DENND1B: variants seen among roughly 807,000 people sequenced by gnomAD.
DENND1B encodes DENN domain containing 1B, also known as DENN domain-containing protein 1B.
DENND1B carries 59 observed loss-of-function variants against 90.1 expected under a neutral mutation model. That is an observed-to-expected ratio of 0.65 (90% CI 0.53 to 0.81). The LOEUF (loss-of-function observed/expected upper bound fraction) is 0.81. Ranked by LOEUF, DENND1B falls within the 40% of genes least tolerant of loss-of-function variation. The probability of loss-of-function intolerance (pLI) is 0.00; values close to 1 mark genes in which losing one functional copy is unlikely to be tolerated. For synonymous variants in DENND1B, 337 were observed against 324.6 expected, an observed-to-expected ratio of 1.04 and a Z score of -0.41; for missense variants, 862 against 912.6, an observed-to-expected ratio of 0.94 and a Z score of 0.71.
At chr1:197,762,497 G>T (rs1228851294) in intron 2 of DENND1B, among the ~76,000 whole-genome samples, 1 of 152,152 alleles carries the variant, frequency 6.6e-6, no homozygotes, top group Non-Finnish European at 1.5e-5. Flanking sequence ...TAGTAAAATG[G>T]TTGCTATAGT....
At chr1:197,600,189 G>A (rs748098093) in intron 13 of DENND1B, among the ~76,000 whole-genome samples, 2 of 151,822 alleles carry the variant, frequency 1.3e-5, no homozygotes, top group Non-Finnish European at 2.9e-5. Flanking sequence ...TAGTAAAAAT[G>A]GCATCTCAGT....
At chr1:197,559,615 G>T (rs1000709946) in intron 15 of DENND1B, among the ~76,000 whole-genome samples, 1 of 151,828 alleles carries the variant, frequency 6.6e-6, no homozygotes, top group Non-Finnish European at 1.5e-5. Context: ...AAATCAATCA[G>T]CAATTTAAGG....
chr1:197,664,836 G>A (rs530585951), intron 5 of DENND1B, among the ~76,000 whole-genome samples: 183 of 152,112 alleles, frequency 1.2e-3, no homozygotes, highest in African/African-American at 4.3e-3. Flanking sequence ...AAAGCTTTAG[G>A]TTTGGAATGA....
chr1:197,544,892 GAA>G (rs1438429406), intron 18 of DENND1B, among the ~76,000 whole-genome samples: 28 of 105,896 alleles, frequency 2.6e-4, no homozygotes, highest in African/African-American at 3.2e-4. Context: ...GGAAGAGGAA[GAA>G]GAAGAAGAAA....
chr1:197,655,355 G>T (rs189835353), intron 6 of DENND1B, among the ~76,000 whole-genome samples: 1 of 152,120 alleles, frequency 6.6e-6, no homozygotes, highest in African/African-American at 2.4e-5. Context: ...CACAGAGATA[G>T]AACAGTTCCA....
At chr1:197,637,371 A>C (rs1424851110) in intron 10 of DENND1B, among the ~76,000 whole-genome samples, 1 of 152,228 alleles carries the variant, frequency 6.6e-6, no homozygotes, top group Non-Finnish European at 1.5e-5. Flanking sequence ...ATAATTGTTA[A>C]ATTAAAAAAT....
chr1:197,758,702 C>A (rs1462281351), intron 2 of DENND1B, among the ~76,000 whole-genome samples: 1 of 152,122 alleles, frequency 6.6e-6, no homozygotes, highest in Non-Finnish European at 1.5e-5. Context: ...TCTGTCTTAT[C>A]TTTAAGAGGA....
intron 2 of DENND1B, among the ~76,000 whole-genome samples, chr1:197,752,687 C>T (rs1653720986): frequency 6.6e-6 from 1 of 151,758 alleles, no homozygotes; most frequent in South Asian, 2.1e-4. Context: ...TACATGTACA[C>T]AACATGCAGG....
intron 2 of DENND1B, among the ~76,000 whole-genome samples, chr1:197,739,426 G>A (rs947765755): frequency 1.3e-5 from 2 of 152,160 alleles, no homozygotes; most frequent in African/African-American, 4.8e-5. Flanking sequence ...AAGGATTCAA[G>A]CCATACCATG....
intron 2 of DENND1B, among the ~76,000 whole-genome samples, chr1:197,737,150 C>T (rs1181661642): frequency 5.9e-5 from 9 of 152,152 alleles, no homozygotes; most frequent in Non-Finnish European, 1.2e-4. Flanking sequence ...TGCTCCTTTC[C>T]TACAATCAGC....
At chr1:197,517,130 C>T (rs2125603712) in intron 20 of DENND1B, among the ~76,000 whole-genome samples, 1 of 151,912 alleles carries the variant, frequency 6.6e-6, no homozygotes, top group South Asian at 2.1e-4. Context: ...TACTGTATGC[C>T]TTCCTAGCAT....
rs11371047 is a variant in DENND1B, at chr1:197,721,065, AT to A, written c.83-5992del. ...TTCTGAGGTGGGCCTGAGAAACGGC[AT>A]TTTTTTTTTTTTTTTTTTTTTGAGA... On this transcript the variant is annotated intron_variant, in intron 2 of 22. Transcript: ENST00000620048. 9.0e-3 allele frequency among the ~76,000 whole-genome samples: 891 copies of A among 98,888 alleles called. 5 individuals carry two copies. The highest frequency in any genetic ancestry group is 0.033 in the African/African-American group (814 of 24,456). 64.9% of individuals were successfully genotyped at this position (98,888 alleles called of 152,430 possible).
At chr1:197,552,572 T>C in intron 16 of DENND1B, 5 of 986,792 alleles carry the variant, frequency 5.1e-6, no homozygotes, top group Non-Finnish European at 6.0e-6. Context: ...TGTATAATAA[T>C]AATACAGTTA....
intron 10 of DENND1B, among the ~76,000 whole-genome samples, chr1:197,629,229 T>C (rs866481123): frequency 1.6e-4 from 24 of 151,502 alleles, no homozygotes; most frequent in Admixed American, 9.2e-4. Context: ...CATGCACACA[T>C]ATGTTTATTG....
At chr1:197,671,734 T>G (rs914569476) in intron 5 of DENND1B, among the ~76,000 whole-genome samples, 2 of 142,794 alleles carry the variant, frequency 1.4e-5, no homozygotes, top group Non-Finnish European at 3.0e-5. Context: ...TTTAACTTAT[T>G]TTTTTTTGTA....
intron 14 of DENND1B, among the ~76,000 whole-genome samples, chr1:197,592,537 T>C (rs1201276362): frequency 6.6e-6 from 1 of 152,156 alleles, no homozygotes; most frequent in Non-Finnish European, 1.5e-5. Context: ...AAACACAAAC[T>C]ACAGCTTCCA....
At chr1:197,691,613 T>C (rs1328981303) in intron 3 of DENND1B, among the ~76,000 whole-genome samples, 2 of 152,136 alleles carry the variant, frequency 1.3e-5, no homozygotes, top group Admixed American at 1.3e-4. Context: ...TGGGTATTTA[T>C]CCAAAATAAC....
intron 2 of DENND1B, among the ~76,000 whole-genome samples, chr1:197,764,150 C>T (rs1655423000): frequency 6.6e-6 from 1 of 152,140 alleles, no homozygotes; most frequent in South Asian, 2.1e-4. Context: ...AGAGCTCAGG[C>T]TCTAGTACCA....
chr1:197,759,742 C>CAA (rs1196523150), intron 2 of DENND1B, among the ~76,000 whole-genome samples: 10,864 of 37,490 alleles, frequency 0.29, 2,039 homozygotes, highest in African/African-American at 0.36. Flanking sequence ...GACTCCGTCT[C>CAA]AAAAAAAAAA....
Sources: allele counts gnomAD v4.1 joint callset (sites outside exome capture counted in the v4.1 genomes callset), GRCh38; gene constraint gnomAD v4.1.1; transcripts MANE v1.5; gene names NCBI Gene and HGNC (gene_info 2026-07-23, HGNC 2026-07-21).